NPC1: variants seen among roughly 807,000 people sequenced by gnomAD.
NPC1 encodes the protein NPC intracellular cholesterol transporter 1, also known as Niemann-Pick C1 protein.
NPC1 carries 85 observed loss-of-function variants against 140.4 expected under a neutral mutation model. That is an observed-to-expected ratio of 0.61 (90% CI 0.51 to 0.72). The LOEUF (loss-of-function observed/expected upper bound fraction) is 0.72. Ranked by LOEUF, NPC1 falls within the 30% of genes least tolerant of loss-of-function variation. NPC1 has a pLI of 0.00. For missense variants in NPC1, 1,504 were observed against 1,623.8 expected, an observed-to-expected ratio of 0.93 and a Z score of 1.27; for synonymous variants, 656 against 624.8, an observed-to-expected ratio of 1.05 and a Z score of -0.74.
At chr18:23,506,639 T>G in exon 4 of NPC1, 1 of 260,084 alleles carries the variant, frequency 3.8e-6, no homozygotes. Flanking sequence ...TTCCAGAAGC[T>G]TTGCTGTGAG....
downstream of NPC1, chr18:23,528,222 T>C (rs2058366031): frequency 5.1e-6 from 1 of 196,356 alleles, no homozygotes; most frequent in Non-Finnish European, 1.0e-5. Context: ...TGCAATATTT[T>C]GTATATTTTT....
Position 23,560,246 on chromosome 18 carries a change from G to A in NPC1, c.866C>T (p.Ala289Val). ...AACTGCTTACCTGTAGCACCACACT[G>A]CAAAAAATGCTCCAAAAAACACAAG... ...FLLVFFGAFF[A>V]VWCYRKRYFV... Residue 289 changes from alanine to valine, a missense_variant, in exon 6 of 25, where the codon GCA becomes GTA. Ala to Val is a moderately conservative substitution (Grantham distance 64, BLOSUM62 0). Transcript: ENST00000269228. 1.2e-6 allele frequency: 2 copies of A among 1,614,128 alleles called. No individual in the cohort carries two copies. Among genetic ancestry groups the A allele is most frequent in the Non-Finnish European group, 1.7e-6 (2 of 1,180,030 alleles).
intron 4 of NPC1, among the ~76,000 whole-genome samples, chr18:23,566,811 AC>A (rs1484383730): frequency 1.3e-5 from 2 of 152,144 alleles, no homozygotes; most frequent in Admixed American, 1.3e-4. Context: ...TATTTTCACC[AC>A]CTAAAAATCT....
chr18:23,539,929 G>A lies in NPC1; in HGVS notation c.2677C>T (p.Leu893=), dbSNP rs756756960. The A allele has an allele frequency of 3.7e-6, 6 of 1,614,022 alleles. No homozygotes were observed. The African/African-American group carries it at 8.0e-5, about 22-fold the overall frequency. Residue 893 remains leucine, a synonymous_variant, in exon 18 of 25, where the codon CTG becomes TTG. Transcript: ENST00000269228. ...GAAGTGTAGTCGTGCCCTTCCTCCA[G>A]GACAAAGTACACAGGCGGACCCGCA... ...LHAGPPVYFV[L]EEGHDYTSSK... is the part of the protein sequence containing the mutation.
intron 20 of NPC1, among the ~76,000 whole-genome samples, chr18:23,537,226 C>T (rs994255489): frequency 2.6e-5 from 4 of 152,184 alleles, no homozygotes; most frequent in South Asian, 2.1e-4. Context: ...CCTGCCACCA[C>T]GCTCAACTAA....
At chr18:23,569,982 C>T (rs1228019469) in intron 3 of NPC1, among the ~76,000 whole-genome samples, 1 of 152,176 alleles carries the variant, frequency 6.6e-6, no homozygotes, top group African/African-American at 2.4e-5. Flanking sequence ...CTTTAGACTC[C>T]GATTCAGTCC....
At chr18:23,519,058 C>G (rs986556734), downstream of NPC1, 3 of 1,613,366 alleles carry the variant, frequency 1.9e-6, no homozygotes, top group African/African-American at 4.0e-5. Context: ...TTTTTGCTTT[C>G]TATCCTACAG....
chr18:23,573,365 C>A, intron 2 of NPC1, 87 bp downstream of exon 2: 1 of 1,577,044 alleles, frequency 6.3e-7, no homozygotes, highest in Non-Finnish European at 8.7e-7. Context: ...ATCTCCACCT[C>A]CACCCTGCAA....
downstream of NPC1, among the ~76,000 whole-genome samples, chr18:23,525,523 T>C (rs1235691074): frequency 6.6e-6 from 1 of 151,272 alleles, no homozygotes; most frequent in African/African-American, 2.4e-5. Context: ...CTCCTGGGTT[T>C]AAGCGATTCT....
chr18:23,512,310 C>T (rs2057883695), intron 3 of NPC1, among the ~76,000 whole-genome samples: 1 of 152,090 alleles, frequency 6.6e-6, no homozygotes, highest in African/African-American at 2.4e-5. Context: ...CGTGAGCCAC[C>T]ATGCCTGGCC....
intron 19 of NPC1, chr18:23,538,996 G>T: frequency 2.2e-6 from 1 of 448,540 alleles, no homozygotes. Flanking sequence ...GGGCAACCTC[G>T]ACGCTCCTAC....
downstream of NPC1, chr18:23,519,194 C>T (rs1352922697): frequency 8.7e-6 from 14 of 1,603,058 alleles, no homozygotes; most frequent in Non-Finnish European, 1.2e-5. Context: ...GTCTGCGTTT[C>T]TACCAAAGTT....
chr18:23,529,227 G>T, downstream of NPC1: 2 of 1,614,078 alleles, frequency 1.2e-6, no homozygotes, highest in Non-Finnish European at 1.7e-6. Context: ...CAAGAGGCCG[G>T]TGCGGACCCA....
intron 1 of NPC1, among the ~76,000 whole-genome samples, chr18:23,578,355 C>T (rs1365962264): frequency 6.6e-6 from 1 of 152,210 alleles, no homozygotes; most frequent in Non-Finnish European, 1.5e-5. Flanking sequence ...CAGAAACAGA[C>T]TCTCAATAAA....
intron 4 of NPC1, among the ~76,000 whole-genome samples, chr18:23,563,781 T>G (rs182716183): frequency 5.3e-5 from 8 of 152,252 alleles, no homozygotes; most frequent in Admixed American, 3.3e-4. Context: ...CACTTCTTGT[T>G]ATGTGACTTT....
At chr18:23,530,083 T>C (rs1327082645), downstream of NPC1, 2 of 1,614,266 alleles carry the variant, frequency 1.2e-6, no homozygotes, top group East Asian at 2.2e-5. Context: ...CTCTTTTATA[T>C]GCTGCATCAG....
downstream of NPC1, chr18:23,518,893 C>T (rs201101241): frequency 5.8e-5 from 94 of 1,613,842 alleles, no homozygotes; most frequent in African/African-American, 8.0e-5. Context: ...TAATTAGATA[C>T]GGGCAGCTGT....
chr18:23,524,381 C>T (rs753755942), downstream of NPC1: 1 of 1,605,600 alleles, frequency 6.2e-7, no homozygotes, highest in Admixed American at 1.7e-5. Flanking sequence ...ACTGGGTTTG[C>T]TTTTTGTTTT....
At chr18:23,573,618 T>C (rs1275565014) in intron 1 of NPC1, 44 bp from the exon 2 acceptor site, 8 of 1,613,650 alleles carry the variant, frequency 5.0e-6, no homozygotes, top group South Asian at 3.3e-5. Flanking sequence ...AGGGTCTCAA[T>C]GGTAAATTTC....
Sources: allele counts gnomAD v4.1 joint callset (sites outside exome capture counted in the v4.1 genomes callset), GRCh38; gene constraint gnomAD v4.1.1; transcripts MANE v1.5; gene names NCBI Gene and HGNC (gene_info 2026-07-23, HGNC 2026-07-21).